ATXN2: variants seen among roughly 807,000 people sequenced by gnomAD.
ATXN2 encodes the protein ataxin-2.
Under a neutral mutation model 138.6 loss-of-function variants are expected in ATXN2, and 37 were observed. The ratio of observed to expected loss-of-function variants is 0.27; its 90% CI spans 0.21 to 0.35. ATXN2 has a LOEUF of 0.35. ATXN2 is among the 10% of genes least tolerant of loss of function. The pLI, the probability that ATXN2 is intolerant of heterozygous loss-of-function variation, is 1.00. For synonymous variants in ATXN2, 549 were observed against 543.7 expected, an observed-to-expected ratio of 1.01 and a Z score of -0.13; for missense variants, 1,216 against 1,480.3, an observed-to-expected ratio of 0.82 and a Z score of 2.93.
intron 1 of ATXN2, chr12:111,597,712 CGGCTTA>C: frequency 1.7e-6 from 1 of 582,708 alleles, no homozygotes; most frequent in Non-Finnish European, 2.9e-6. Flanking sequence ...ACTACAACCC[CGGCTTA>C]GGAGGGAAAA....
Position 111,478,187 on chromosome 12 carries a change from A to AC in ATXN2, c.2524+7077dup, listed in dbSNP as rs200663979. Among the ~76,000 whole-genome samples the AC allele has an allele frequency of 4.7e-3, 716 of 152,154 alleles. 7 individuals carry two copies. The highest frequency in any genetic ancestry group is 0.016 in the African/African-American group (657 of 41,542). On this transcript the variant is annotated intron_variant, in intron 18 of 24. Transcript: ENST00000673436. ...TTTGGGAGGCCGAGGCAGGTAGATCACCTGAGGTCAGGAGTTAGAGACCAG... is the reference window on the plus strand; with the variant it reads ...TTTGGGAGGCCGAGGCAGGTAGATCACCCTGAGGTCAGGAGTTAGAGACCAG...
At chr12:111,558,116 A>G (rs943470808) in intron 1 of ATXN2, among the ~76,000 whole-genome samples, 4 of 152,240 alleles carry the variant, frequency 2.6e-5, no homozygotes, top group East Asian at 1.9e-4. Context: ...ATATTATCAT[A>G]TAAAAAAACA....
chr12:111,502,767 G>C (rs1265933885), intron 14 of ATXN2, among the ~76,000 whole-genome samples: 1 of 152,068 alleles, frequency 6.6e-6, no homozygotes, highest in African/African-American at 2.4e-5. Context: ...ACATGAAATG[G>C]TACAATGACA....
intron 1 of ATXN2, among the ~76,000 whole-genome samples, chr12:111,594,374 T>C (rs1188422175): frequency 6.6e-6 from 1 of 151,954 alleles, no homozygotes; most frequent in Non-Finnish European, 1.5e-5. Flanking sequence ...AGTCTCACTC[T>C]GTCTCCCAGG....
intron 21 of ATXN2, 44 bp from the exon 22 acceptor site, chr12:111,457,403 C>T (rs1875193414): frequency 1.9e-6 from 3 of 1,557,294 alleles, no homozygotes; most frequent in Non-Finnish European, 2.6e-6. Flanking sequence ...CGATGTCTGA[C>T]AACCTCCATC....
At chr12:111,533,302 C>G (rs747515000) in intron 5 of ATXN2, among the ~76,000 whole-genome samples, 9 of 152,016 alleles carry the variant, frequency 5.9e-5, no homozygotes, top group African/African-American at 2.2e-4. Flanking sequence ...TCTAATACCC[C>G]CTAGGGATAC....
In ATXN2 at chr12:111,552,559, T is replaced by G; in HGVS notation, c.421-129A>C. 1.1e-6 allele frequency: 1 copy of G among 913,490 alleles called. No homozygotes were observed. Among genetic ancestry groups the G allele is most frequent in the Non-Finnish European group, 1.6e-6 (1 of 635,900 alleles). The allele number at this position is 913,490 out of a possible 1,614,324, so 56.6% of individuals were successfully genotyped here. On this transcript the variant is annotated intron_variant, in intron 4 of 24. Transcript: ENST00000673436. The surrounding 1 kb of genome is among the most constrained non-coding windows in gnomAD (Gnocchi z 4.1). ...AAATAATCTCAAGAGAATCATACCC[T>G]TTTTCCCAGGCATATGATCTATTAT...
Position 111,598,978 on chromosome 12 carries a change from T to TGCTGTTGC in ATXN2, c.56_57insGCAACAGC (p.Gln22HisfsTer27). ...GCTGCTGCTGCTGCTGCTGCTGCTG[T>TGCTGTTGC]TGCTGCTGCTGCTGCTGCTGCTGCT... On this transcript the variant is annotated frameshift_variant, in exon 1 of 25. Coordinates refer to ENST00000673436, the MANE Select transcript of ATXN2 (RefSeq NM_001372574.1). LOFTEE classifies it high-confidence loss of function. The surrounding 1 kb of genome is among the most constrained non-coding windows in gnomAD (Gnocchi z 4.5). 6.2e-6 allele frequency: 8 copies of TGCTGTTGC among 1,292,186 alleles called. No individual in the cohort carries two copies. The highest frequency in any genetic ancestry group is 7.2e-6 in the Non-Finnish European group (7 of 974,548). The allele number at this position is 1,292,186 out of a possible 1,614,324, so 80.0% of individuals were successfully genotyped here. A position where few individuals can be genotyped will look rare whatever the true frequency, so the allele number is the denominator to read the frequency against.
At chr12:111,597,747 G>C in intron 1 of ATXN2, 1 of 805,102 alleles carries the variant, frequency 1.2e-6, no homozygotes, top group South Asian at 1.4e-5. Context: ...GTAAACACCC[G>C]CCTTTCTGCC....
At chr12:111,595,906 T>C (rs923484596) in intron 1 of ATXN2, among the ~76,000 whole-genome samples, 5 of 144,580 alleles carry the variant, frequency 3.5e-5, no homozygotes, top group African/African-American at 1.1e-4. Context: ...CTACTAAAAA[T>C]ACAAAAATTG....
At position 111,453,489 on chromosome 12, in the gene ATXN2, A is replaced by G; in HGVS notation, c.3439+188T>C. 1.5e-6 allele frequency: 2 copies of G among 1,335,700 alleles called. No homozygotes were observed. Among genetic ancestry groups the G allele is most frequent in the South Asian group, 4.0e-5 (2 of 49,446 alleles). The allele number at this position is 1,335,700 out of a possible 1,614,324, so 82.7% of individuals were successfully genotyped here. On this transcript the variant is annotated intron_variant, in intron 24 of 24. Transcript: ENST00000673436. The surrounding 1 kb of genome is among the most constrained non-coding windows in gnomAD (Gnocchi z 5.4). The stretch of plus-strand genomic sequence containing the variant: ...CTGTATACCATCAGAACACACACAG[A>G]CTCGGCTCCCGGAAGCCTCAGGCCC...
intron 1 of ATXN2, among the ~76,000 whole-genome samples, chr12:111,577,340 A>G (rs1431650361): frequency 6.6e-6 from 1 of 151,982 alleles, no homozygotes; most frequent in Non-Finnish European, 1.5e-5. Flanking sequence ...ATCTCGGCTC[A>G]CTGCAAGCTC....
chr12:111,495,981 A>C (rs1182925693), intron 14 of ATXN2, among the ~76,000 whole-genome samples: 1 of 69,288 alleles, frequency 1.4e-5, no homozygotes, highest in African/African-American at 1.3e-4. Flanking sequence ...CCATCTCTAC[A>C]AAAAAAAAAA....
intron 10 of ATXN2, among the ~76,000 whole-genome samples, chr12:111,514,718 C>T (rs1012329289): frequency 6.6e-6 from 1 of 151,920 alleles, no homozygotes; most frequent in South Asian, 2.1e-4. Flanking sequence ...AAACTCCTGA[C>T]CTCAAGTGAT....
At chr12:111,492,150 A>C (rs1304291319) in intron 14 of ATXN2, among the ~76,000 whole-genome samples, 1 of 152,070 alleles carries the variant, frequency 6.6e-6, no homozygotes. Flanking sequence ...CCCTTCCCCA[A>C]ACTCCAAGCA....
In ATXN2 at chr12:111,484,428, T is replaced by C. The variant is rs147624849; in HGVS notation, c.2524+837A>G. 3.1e-3 allele frequency among the ~76,000 whole-genome samples: 468 copies of C among 152,032 alleles called. 7 individuals carry two copies. The highest frequency in any genetic ancestry group is 0.011 in the African/African-American group (452 of 41,426). ...TTAGTCTGGTTTTTTTGTTTGTTTG[T>C]TTTTTGTTTGTTTGTTTGTTTTGAG... On this transcript the variant is annotated intron_variant, in intron 18 of 24. Transcript: ENST00000673436.
chr12:111,537,867 A>C (rs568679333), intron 5 of ATXN2, among the ~76,000 whole-genome samples: 1 of 152,202 alleles, frequency 6.6e-6, no homozygotes, highest in South Asian at 2.1e-4. Context: ...AGGCTGGGGC[A>C]GGAGGATCAT....
At chr12:111,561,065 G>C (rs1226448001) in intron 1 of ATXN2, among the ~76,000 whole-genome samples, 1 of 149,348 alleles carries the variant, frequency 6.7e-6, no homozygotes, top group Non-Finnish European at 1.5e-5. Flanking sequence ...GGCACCTGTA[G>C]TCCCAGCTAC....
chr12:111,454,513 C>T (rs576686115), intron 23 of ATXN2: 1 of 155,262 alleles, frequency 6.4e-6, no homozygotes, highest in East Asian at 1.9e-4. Context: ...CTGAAGTCAT[C>T]TGGGCCAGCC....
Sources: allele counts gnomAD v4.1 joint callset (sites outside exome capture counted in the v4.1 genomes callset), GRCh38; gene constraint gnomAD v4.1.1; non-coding constraint Gnocchi (gnomAD v3.1); transcripts MANE v1.5; gene names NCBI Gene and HGNC (gene_info 2026-07-23, HGNC 2026-07-21).